Variants in SH3KBP1 observed in about 807,000 individuals in gnomAD.
SH3KBP1 encodes the protein SH3 domain-containing kinase-binding protein 1.
In SH3KBP1, 8 loss-of-function variants were observed where a neutral mutation model predicts 50.1. The observed-to-expected ratio is 0.16, with a 90% confidence interval of 0.09 to 0.29. The LOEUF (loss-of-function observed/expected upper bound fraction) is 0.29, where lower values mean the gene tolerates loss of function less well. SH3KBP1 is among the 10% of genes least tolerant of loss of function. The pLI, the probability that SH3KBP1 is intolerant of heterozygous loss-of-function variation, is 1.00. For synonymous variants in SH3KBP1, 227 were observed against 218.6 expected, an observed-to-expected ratio of 1.04 and a Z score of -0.34; for missense variants, 377 against 535.2, an observed-to-expected ratio of 0.70 and a Z score of 2.92.
chrX:19,694,912 C>T, intron 5 of SH3KBP1: 2 of 841,064 alleles, frequency 2.4e-6, no homozygotes, highest in South Asian at 4.4e-5. Flanking sequence ...ATGCCCATGA[C>T]CTTGGCTCAA....
intron 6 of SH3KBP1, among the ~76,000 whole-genome samples, chrX:19,660,766 G>C (rs1251513344): frequency 8.9e-6 from 1 of 112,091 alleles, no homozygotes; most frequent in East Asian, 2.8e-4. Flanking sequence ...TGAAACTTTT[G>C]ATACTCAGGA....
chrX:19,541,332 G>A (rs2064887588), intron 16 of SH3KBP1, among the ~76,000 whole-genome samples: 1 of 111,986 alleles, frequency 8.9e-6, no homozygotes, highest in African/African-American at 3.2e-5. Flanking sequence ...GCTCCCTGAG[G>A]ATTAGAGATG....
chrX:19,597,105 T>C (rs745961957), intron 9 of SH3KBP1, among the ~76,000 whole-genome samples: 4 of 112,053 alleles, frequency 3.6e-5, no homozygotes, highest in African/African-American at 1.3e-4. Flanking sequence ...AGCTATAGAC[T>C]TATAAAATGT....
intron 6 of SH3KBP1, among the ~76,000 whole-genome samples, chrX:19,659,277 G>A (rs2062388682): frequency 9.1e-6 from 1 of 109,346 alleles, no homozygotes; most frequent in African/African-American, 3.3e-5. Flanking sequence ...ACCACGCCTG[G>A]CTAATTTCTG....
chrX:19,661,412 T>C (rs1216187162), intron 6 of SH3KBP1, among the ~76,000 whole-genome samples: 1 of 111,411 alleles, frequency 9.0e-6, no homozygotes, highest in African/African-American at 3.3e-5. Context: ...TACAAAGTTA[T>C]GTGTGTGGAA....
chrX:19,788,334 A>G (rs139542734), intron 2 of SH3KBP1, among the ~76,000 whole-genome samples: 1 of 108,306 alleles, frequency 9.2e-6, no homozygotes, highest in African/African-American at 3.4e-5. Flanking sequence ...AGAGATATGC[A>G]CACAGGGAGA....
At chrX:19,803,936 G>C (rs1331934192) in intron 2 of SH3KBP1, among the ~76,000 whole-genome samples, 1 of 111,287 alleles carries the variant, frequency 9.0e-6, no homozygotes, top group Non-Finnish European at 1.9e-5. Flanking sequence ...ACTTTGGGAG[G>C]CCGAGGCAGG....
At chrX:19,779,298 CAAAAA>C (rs750278989) in intron 2 of SH3KBP1, among the ~76,000 whole-genome samples, 1 of 48,502 alleles carries the variant, frequency 2.1e-5, no homozygotes, top group Admixed American at 2.6e-4. Flanking sequence ...GACCCTGTCT[CAAAAA>C]AAAAAAAAAA....
At chrX:19,881,162 C>A (rs1316589598) in intron 1 of SH3KBP1, among the ~76,000 whole-genome samples, 1 of 112,023 alleles carries the variant, frequency 8.9e-6, no homozygotes, top group Admixed American at 9.5e-5. Context: ...TCTCAGAGAC[C>A]TGAATGAGCT....
At chrX:19,634,688 G>T (rs1283493132) in intron 7 of SH3KBP1, among the ~76,000 whole-genome samples, 2 of 111,735 alleles carry the variant, frequency 1.8e-5, no homozygotes, top group East Asian at 5.6e-4. Flanking sequence ...TTGGGACTAG[G>T]TTGGGTTCCC....
intron 5 of SH3KBP1, 99 bp downstream of exon 5, chrX:19,695,513 C>A: frequency 9.6e-7 from 1 of 1,039,642 alleles, no homozygotes; most frequent in South Asian, 2.1e-5. Flanking sequence ...TAAGCGTTTA[C>A]TATAGCCTCT....
intron 1 of SH3KBP1, among the ~76,000 whole-genome samples, chrX:19,886,039 T>C (rs1166438616): frequency 1.8e-5 from 2 of 111,336 alleles, no homozygotes; most frequent in Non-Finnish European, 3.8e-5. Context: ...AGGTGTTGTA[T>C]GAGAAAATGG....
chrX:19,839,706 C>T (rs1298544393), intron 1 of SH3KBP1, among the ~76,000 whole-genome samples: 1 of 112,450 alleles, frequency 8.9e-6, no homozygotes, highest in Non-Finnish European at 1.9e-5. Flanking sequence ...TCCACATCAC[C>T]TTCCAAGCTC....
chrX:19,677,479 C>A (rs753327109), intron 6 of SH3KBP1, among the ~76,000 whole-genome samples: 4 of 111,545 alleles, frequency 3.6e-5, no homozygotes, highest in Non-Finnish European at 5.7e-5. Flanking sequence ...CTGAAACCTA[C>A]ATTTACAGTT....
chrX:19,677,107 G>A (rs946192596), intron 6 of SH3KBP1, among the ~76,000 whole-genome samples: 4 of 111,937 alleles, frequency 3.6e-5, no homozygotes, highest in Non-Finnish European at 7.5e-5. Flanking sequence ...TGCCTAAAGA[G>A]CTAGGACACG....
intron 9 of SH3KBP1, among the ~76,000 whole-genome samples, chrX:19,596,347 C>T (rs760943419): frequency 6.3e-5 from 7 of 111,855 alleles, no homozygotes; most frequent in East Asian, 2.8e-4. Flanking sequence ...AAGCAATGTA[C>T]GTACCTTAAT....
At chrX:19,657,243 T>C (rs2062302764) in intron 6 of SH3KBP1, among the ~76,000 whole-genome samples, 1 of 109,922 alleles carries the variant, frequency 9.1e-6, no homozygotes, top group Non-Finnish European at 1.9e-5. Flanking sequence ...TAGCTGGATG[T>C]GGTGGTGCAC....
At chrX:19,730,148 T>C (rs1198042604) in intron 3 of SH3KBP1, among the ~76,000 whole-genome samples, 1 of 111,303 alleles carries the variant, frequency 9.0e-6, no homozygotes, top group African/African-American at 3.3e-5. Flanking sequence ...GCTTTAAAGC[T>C]TTTTTTTAAA....
intron 2 of SH3KBP1, among the ~76,000 whole-genome samples, chrX:19,762,589 C>T (rs369565800): frequency 8.1e-5 from 9 of 111,476 alleles, no homozygotes; most frequent in African/African-American, 2.9e-4. Context: ...CCAAGCCCTA[C>T]CTGCCAAATT....
Sources: gnomAD v4.1 joint callset for allele counts (sites outside exome capture counted in the v4.1 genomes callset) on GRCh38, gnomAD v4.1.1 for gene constraint, MANE v1.5 for transcripts, NCBI Gene and HGNC (gene_info 2026-07-23, HGNC 2026-07-21) for gene names.